The following PCDH7 variants were observed in gnomAD, a reference collection of about 807,000 sequenced individuals.
PCDH7 encodes protocadherin-7.
A neutral mutation model predicts 58.9 loss-of-function variants in PCDH7; 17 were observed. The ratio of observed to expected loss-of-function variants is 0.29; its 90% CI spans 0.20 to 0.43. The LOEUF (loss-of-function observed/expected upper bound fraction) is 0.43, where lower values mean the gene tolerates loss of function less well. Among genes scored for constraint, PCDH7 ranks in the 20% least tolerant of loss-of-function variants. The pLI, the probability that PCDH7 is intolerant of heterozygous loss-of-function variation, is 1.00. For synonymous variants in PCDH7, 664 were observed against 616.4 expected (o/e 1.08, Z -1.14); for missense variants, 1,274 against 1,441.0 (o/e 0.88, Z 1.88).
chr4:31,018,488 A>G (rs1277995313), intron 3 of PCDH7, among the ~76,000 whole-genome samples: 8 of 152,306 alleles, frequency 5.3e-5, no homozygotes, highest in East Asian at 1.9e-4. Flanking sequence ...CAGGACCTAT[A>G]TATGATATCT....
At chr4:31,044,473 G>A (rs11939455) in intron 3 of PCDH7, among the ~76,000 whole-genome samples, 13,906 of 151,940 alleles carry the variant, frequency 0.092, 962 homozygotes, top group East Asian at 0.23. Context: ...CAAGAAGAAT[G>A]CATTCAACAG....
At chr4:31,034,123 A>T (rs1156709968) in intron 3 of PCDH7, among the ~76,000 whole-genome samples, 1 of 151,706 alleles carries the variant, frequency 6.6e-6, no homozygotes, top group Admixed American at 6.6e-5. Flanking sequence ...ACAAAAAACT[A>T]TCCAGATTTA....
At chr4:31,114,537 C>A (rs533391868) in intron 3 of PCDH7, among the ~76,000 whole-genome samples, 4 of 151,868 alleles carry the variant, frequency 2.6e-5, no homozygotes, top group Non-Finnish European at 4.4e-5. Context: ...TTTAGGCCCT[C>A]CATGAAATTG....
chr4:31,079,245 A>T (rs554741934), intron 3 of PCDH7, among the ~76,000 whole-genome samples: 1 of 141,588 alleles, frequency 7.1e-6, no homozygotes, highest in Admixed American at 7.1e-5. Flanking sequence ...ATGCAACAGA[A>T]GACTCCATAA....
chr4:31,146,313 G>A (rs912483157), downstream of PCDH7: 10 of 151,664 alleles, frequency 6.6e-5, no homozygotes, highest in Non-Finnish European at 5.9e-5. Flanking sequence ...TTAGGTATAT[G>A]CTCTCAGTGA....
At chr4:30,905,104 G>T (rs1264500091) in intron 1 of PCDH7, among the ~76,000 whole-genome samples, 1 of 152,176 alleles carries the variant, frequency 6.6e-6, no homozygotes, top group African/African-American at 2.4e-5. Context: ...TGTTTGAGTG[G>T]ATCTTAACAT....
intron 3 of PCDH7, among the ~76,000 whole-genome samples, chr4:31,004,271 G>A (rs1752589697): frequency 6.6e-6 from 1 of 152,044 alleles, no homozygotes; most frequent in African/African-American, 2.4e-5. Context: ...AGAGAAATAC[G>A]AAACCGAGCC....
chr4:30,928,588 T>C (rs1744187069), intron 2 of PCDH7, among the ~76,000 whole-genome samples: 2 of 152,096 alleles, frequency 1.3e-5, no homozygotes, highest in South Asian at 4.1e-4. Flanking sequence ...TTAATTATAA[T>C]GAAAAAATAG....
chr4:30,772,256 A>G (rs1263157356), intron 1 of PCDH7, among the ~76,000 whole-genome samples: 6 of 152,186 alleles, frequency 3.9e-5, no homozygotes, highest in Admixed American at 2.6e-4. Context: ...ACTAAAATGA[A>G]TGTATTTAGT....
intron 1 of PCDH7, among the ~76,000 whole-genome samples, chr4:30,800,113 C>T (rs1577856195): frequency 6.6e-6 from 1 of 152,022 alleles, no homozygotes; most frequent in African/African-American, 2.4e-5. Flanking sequence ...CCACCTTGGC[C>T]TCCCAAAGTG....
Position 31,006,759 on chromosome 4 carries a change from G to A in PCDH7, c.*7+56544G>A, listed in dbSNP as rs898383649. Among the ~76,000 whole-genome samples the A allele has an allele frequency of 2.0e-5, 3 of 152,060 alleles. No individual in the cohort carries two copies. The East Asian group carries it at 5.8e-4, about 30-fold the overall frequency. ...AATACAAAATTAGCCAGGTGTAGTG[G>A]TGCATGCCTGTAATCTCAGCTACTT... On this transcript the variant is annotated intron_variant, in intron 3 of 3. Transcript: ENST00000509759.
At chr4:30,832,056 A>C (rs994429891) in intron 1 of PCDH7, among the ~76,000 whole-genome samples, 4 of 152,216 alleles carry the variant, frequency 2.6e-5, no homozygotes, top group Non-Finnish European at 4.4e-5. Flanking sequence ...TAACTCATAC[A>C]TGACTCAATG....
At chr4:30,930,768 C>CA (rs33945579) in intron 2 of PCDH7, among the ~76,000 whole-genome samples, 1,706 of 141,572 alleles carry the variant, frequency 0.012, 26 homozygotes, top group African/African-American at 0.032. Flanking sequence ...CCTGTCTCTG[C>CA]AAAAAAAAAA....
At chr4:30,782,310 T>C (rs1308517277) in intron 1 of PCDH7, among the ~76,000 whole-genome samples, 1 of 152,130 alleles carries the variant, frequency 6.6e-6, no homozygotes, top group Non-Finnish European at 1.5e-5. Context: ...AAAATAAATG[T>C]GAGGAAACAT....
intron 1 of PCDH7, among the ~76,000 whole-genome samples, chr4:30,850,928 TGAGA>T (rs1732649960): frequency 6.6e-6 from 1 of 152,150 alleles, no homozygotes; most frequent in African/African-American, 2.4e-5. Context: ...GTGGTTTGCC[TGAGA>T]GAAACATTAT....
intron 1 of PCDH7, among the ~76,000 whole-genome samples, chr4:30,816,758 G>A (rs992416121): frequency 2.6e-5 from 4 of 152,020 alleles, no homozygotes; most frequent in African/African-American, 7.2e-5. Context: ...AGAATTGCAC[G>A]ATGAAGAGTT....
At position 30,721,428 on chromosome 4, in the gene PCDH7, G is replaced by C. The variant is rs1409752549; in HGVS notation, c.6G>C (p.Leu2=). The change falls in exon 1 of 2, where the codon CTG becomes CTC. Residue 2 remains leucine, a synonymous_variant. Coordinates refer to ENST00000361762, the Ensembl canonical transcript of PCDH7. The surrounding 1 kb of genome is among the most constrained non-coding windows in gnomAD (Gnocchi z 6.7). Reference sequence around the variant, plus strand: ...AGCAGCAGCAGCAGGAGAAGATGCTGAGGATGCGGACCGCGGGATGGGCGC... The same window carrying C: ...AGCAGCAGCAGCAGGAGAAGATGCTCAGGATGCGGACCGCGGGATGGGCGC... The C allele has an allele frequency of 2.0e-6, 3 of 1,508,400 alleles. No individual in the cohort carries two copies. Among genetic ancestry groups the C allele is most frequent in the Non-Finnish European group, 2.7e-6 (3 of 1,130,732 alleles). 93.4% of individuals were successfully genotyped at this position (1,508,400 alleles called of 1,614,324 possible).
In PCDH7 at chr4:30,890,808, A is replaced by G. The variant is rs541507419; in HGVS notation, c.71-29345A>G. Among the ~76,000 whole-genome samples the G allele has an allele frequency of 2.0e-5, 3 of 152,264 alleles. No homozygotes were observed. The East Asian group carries it at 5.8e-4, about 29-fold the overall frequency. On this transcript the variant is annotated intron_variant, in intron 1 of 3. Transcript: ENST00000509759. ...TATATTTAAAACCTTATATTTACCT[A>G]GCGTAGTAAATTATATCAGTAATGA...
intron 2 of PCDH7, among the ~76,000 whole-genome samples, chr4:30,932,514 A>G (rs924684444): frequency 6.6e-6 from 1 of 152,230 alleles, no homozygotes; most frequent in African/African-American, 2.4e-5. Flanking sequence ...GTTCAAGATA[A>G]TCTAAACAAT....
Sources: gnomAD v4.1 joint callset for allele counts (sites outside exome capture counted in the v4.1 genomes callset) on GRCh38, gnomAD v4.1.1 for gene constraint, Gnocchi (gnomAD v3.1) non-coding constraint, MANE v1.5 for transcripts, NCBI Gene and HGNC (gene_info 2026-07-23, HGNC 2026-07-21) for gene names.